The following NPC1L1 variants were observed in gnomAD, a reference collection of about 807,000 sequenced individuals.
NPC1L1 encodes the protein NPC1 like intracellular cholesterol transporter 1, also known as NPC1-like intracellular cholesterol transporter 1.
Under a neutral mutation model 117.0 loss-of-function variants are expected in NPC1L1, and 98 were observed. The ratio of observed to expected loss-of-function variants is 0.84; its 90% CI spans 0.71 to 0.99. The LOEUF is 0.99. NPC1L1 is among the 50% of genes least tolerant of loss of function. The pLI is 0.00. For missense variants in NPC1L1, 1,540 were observed against 1,710.0 expected (o/e 0.90, Z 1.75); for synonymous variants, 729 against 727.6 (o/e 1.00, Z -0.03).
rs368869206 is a variant in NPC1L1 at position 44,515,806 on chromosome 7, C to T, written c.3793G>A (p.Val1265Met). The T allele has an allele frequency of 2.1e-5, 34 of 1,614,110 alleles. No individual in the cohort carries two copies. Among genetic ancestry groups the T allele is most frequent in the Admixed American group, 1.0e-4 (6 of 60,008 alleles). The part of the protein sequence containing the change: ...LVFLPVILSY[V>M]GPDVNPALAL... ...AGGAACAGGCCTGGGCACTCACCCA[C>T]GTAGCTGAGGATGACGGGCAGGAAG... Residue 1265 changes from valine (V) to methionine (M), a missense_variant, in exon 18 of 19, where the codon GTG becomes ATG. By Grantham distance (21) the Val-to-Met change is conservative. This residue lies in a region of NPC1L1 where 742 missense variants were observed against 873.6 expected (regional missense o/e 0.85). Coordinates refer to ENST00000381160, the MANE Select transcript of NPC1L1 (RefSeq NM_001101648.2).
At chr7:44,532,310 G>T in intron 8 of NPC1L1, 93 bp from the exon 9 acceptor site, 1 of 1,530,500 alleles carries the variant, frequency 6.5e-7, no homozygotes, top group Non-Finnish European at 9.0e-7. Flanking sequence ...CCTTCTGTGG[G>T]TGGCCCGTGC....
chr7:44,518,140 T>C (rs1002853276), intron 14 of NPC1L1, among the ~76,000 whole-genome samples: 6 of 151,920 alleles, frequency 3.9e-5, no homozygotes, highest in Middle Eastern at 3.4e-3. Context: ...AAATTAAGGT[T>C]ATTAAGACCT....
chr7:44,521,427 T>C (rs1326202020), intron 12 of NPC1L1, among the ~76,000 whole-genome samples: 1 of 152,154 alleles, frequency 6.6e-6, no homozygotes, highest in Non-Finnish European at 1.5e-5. Context: ...AGCTCTCCCC[T>C]CCTGACTCCC....
In NPC1L1 at chr7:44,540,188, T is replaced by C; in HGVS notation, c.209A>G (p.His70Arg). The C allele has an allele frequency of 1.2e-6, 2 of 1,613,844 alleles. No individual in the cohort carries two copies. Among genetic ancestry groups the C allele is most frequent in the Non-Finnish European group, 1.7e-6 (2 of 1,179,972 alleles). ...GCAGATCTTCTGTAATAGGATCAGG[T>C]GATCACCTGTGATCTTGCGGGCCGG... Reference protein sequence around the residue: ...NTPARKITGDHLILLQKICPR... With the variant: ...NTPARKITGDRLILLQKICPR... The change falls in exon 2 of 19, where the codon CAC becomes CGC. Residue 70 changes from histidine (H) to arginine (R), a missense_variant. Coordinates refer to ENST00000381160, the MANE Select transcript of NPC1L1 (RefSeq NM_001101648.2).
rs776342090 is a variant in NPC1L1, at chr7:44,539,851, C to T, written c.546G>A (p.Thr182=). Residue 182 remains threonine, a synonymous_variant, in exon 2 of 19, where the codon ACG becomes ACA. Coordinates refer to ENST00000381160, the MANE Select transcript of NPC1L1 (RefSeq NM_001101648.2). This position sits in a 1 kb window ranked among gnomAD's most constrained non-coding sequence, Gnocchi z 4.4. ...CGCCACACATGGTGCCCACAGCCAG[C>T]GTGGCAGCTGCAGGGACGCGCACAC... ...CSRVRVPAAA[T]LAVGTMCGVY... 8.1e-6 allele frequency: 13 copies of T among 1,613,984 alleles called. No homozygotes were observed. Among genetic ancestry groups the T allele is most frequent in the Admixed American group, 1.7e-5 (1 of 60,014 alleles).
In NPC1L1 at chr7:44,536,810, C is replaced by T. The variant is rs200858072; in HGVS notation, c.1681+32G>A. ...GTTCCTGCCCCAATACTGCATCTTC[C>T]TTGGCTTCCTCTCAGGGCCCACTTA... On this transcript the variant is annotated intron_variant, in intron 3 of 18. Transcript: ENST00000381160. This position sits in a 1 kb window ranked among gnomAD's most constrained non-coding sequence, Gnocchi z 4.7. 1.3e-6 allele frequency: 2 copies of T among 1,573,400 alleles called. No homozygotes were observed. Among genetic ancestry groups the T allele is most frequent in the Non-Finnish European group, 1.7e-6 (2 of 1,142,934 alleles).
At position 44,532,072 on chromosome 7, in the gene NPC1L1, C is replaced by T; in HGVS notation, c.2547+8G>A. On this transcript the variant is annotated splice_region_variant and intron_variant, in intron 9 of 18. Coordinates refer to ENST00000381160, the MANE Select transcript of NPC1L1 (RefSeq NM_001101648.2). ...CCCCTGCTCTCGTGTGGTTCGAGGC[C>T]CACTCACCACAACACCTCGAGTGAT... 6.2e-7 allele frequency: 1 copy of T among 1,614,146 alleles called. No homozygotes were observed. The highest frequency in any genetic ancestry group is 8.5e-7 in the Non-Finnish European group (1 of 1,180,012).
chr7:44,535,797 G>T (rs1480885449), intron 5 of NPC1L1, 43 bp downstream of exon 5: 2 of 1,611,356 alleles, frequency 1.2e-6, no homozygotes, highest in African/African-American at 2.7e-5. Context: ...GATGCCTGGG[G>T]TCCTGGGCTA....
chr7:44,524,028 G>T (rs1801436160), intron 10 of NPC1L1, among the ~76,000 whole-genome samples: 1 of 152,136 alleles, frequency 6.6e-6, no homozygotes, highest in African/African-American at 2.4e-5. Context: ...TGACTTCCAG[G>T]AGATTTAAAG....
At chr7:44,531,958 G>C in intron 9 of NPC1L1, 114 bp from the exon 10 acceptor site, 1 of 1,536,672 alleles carries the variant, frequency 6.5e-7, no homozygotes, top group Non-Finnish European at 8.9e-7. Context: ...GAGCAGACTT[G>C]CGTGCCAGCC....
chr7:44,519,610 C>T (rs1801290685), intron 14 of NPC1L1, among the ~76,000 whole-genome samples: 2 of 152,232 alleles, frequency 1.3e-5, no homozygotes, highest in Admixed American at 6.5e-5. Context: ...TCAAAAACTC[C>T]CCCACCCACC....
At position 44,540,035 on chromosome 7, in the gene NPC1L1, A is replaced by G; in HGVS notation, c.362T>C (p.Val121Ala). 6.2e-7 allele frequency: 1 copy of G among 1,614,230 alleles called. No individual in the cohort carries two copies. Among genetic ancestry groups the G allele is most frequent in the South Asian group, 1.1e-5 (1 of 91,090 alleles). ...GCACGTGTTGTGGCAGTGCAGGTTC[A>G]CAAAATTGTCAGAGCAGGCTGGGCA... is the stretch of plus-strand genomic sequence containing the variant. ...TRCPACSDNF[V>A]NLHCHNTCSP... Residue 121 changes from valine (V) to alanine (A), a missense_variant, in exon 2 of 19, where the codon GTG (valine) becomes GCG (alanine). Physicochemically the swap from Val to Ala is moderately conservative, Grantham distance 64 (BLOSUM62 0). Transcript: ENST00000381160.
At chr7:44,528,715 G>A (rs776430742) in intron 10 of NPC1L1, among the ~76,000 whole-genome samples, 5 of 152,128 alleles carry the variant, frequency 3.3e-5, no homozygotes, top group Non-Finnish European at 7.4e-5. Context: ...AATGACAGAA[G>A]TAAATCCCTC....
In NPC1L1 at chr7:44,536,448, G is replaced by A; in HGVS notation, c.1682-20C>T. On this transcript the variant is annotated intron_variant, in intron 3 of 18. Coordinates refer to ENST00000381160, the MANE Select transcript of NPC1L1 (RefSeq NM_001101648.2). The surrounding 1 kb of genome is among the most constrained non-coding windows in gnomAD (Gnocchi z 4.7). Reference sequence around the variant, plus strand: ...CCTTTCCTGGGATAAGAAATACTCAGACCCTTCCTGCTGCACCCGTGCCTC... The same window carrying A: ...CCTTTCCTGGGATAAGAAATACTCAAACCCTTCCTGCTGCACCCGTGCCTC... The A allele has an allele frequency of 6.2e-7, 1 of 1,606,852 alleles. No homozygotes were observed. Among genetic ancestry groups the A allele is most frequent in the South Asian group, 1.1e-5 (1 of 91,076 alleles).
At chr7:44,517,149 C>T in intron 15 of NPC1L1, 58 bp downstream of exon 15, 2 of 1,610,628 alleles carry the variant, frequency 1.2e-6, no homozygotes, top group South Asian at 1.1e-5. Flanking sequence ...CCACCCTAAC[C>T]TCCAGTCTCC....
intron 10 of NPC1L1, among the ~76,000 whole-genome samples, chr7:44,528,518 A>C (rs543113598): frequency 6.6e-6 from 1 of 152,216 alleles, no homozygotes; most frequent in African/African-American, 2.4e-5. Context: ...GAGTGTTATA[A>C]CTTCAGCACA....
At position 44,536,338 on chromosome 7, in the gene NPC1L1, A is replaced by G. The variant is rs1258801867; in HGVS notation, c.1772T>C (p.Leu591Pro). ...TTCCTCTAAGAAGGCCTCCTCCCAC[A>G]GCTTGGCCTGGGCCAGACGGGGGTC... The part of the protein sequence containing the change: ...AGDPRLAQAK[L>P]WEEAFLEEMR... The change falls in exon 4 of 19, where the codon CTG becomes CCG. Residue 591 changes from leucine to proline, a missense_variant. By Grantham distance (98) the Leu-to-Pro change is moderately conservative. Coordinates refer to ENST00000381160, the MANE Select transcript of NPC1L1 (RefSeq NM_001101648.2). The surrounding 1 kb of genome is among the most constrained non-coding windows in gnomAD (Gnocchi z 4.7). The G allele has an allele frequency of 1.2e-6, 2 of 1,614,238 alleles. No homozygotes were observed. Among genetic ancestry groups the G allele is most frequent in the Admixed American group, 1.7e-5 (1 of 60,036 alleles).
rs760656359 is a variant in NPC1L1 at position 44,515,869 on chromosome 7, G to C, written c.3730C>G (p.Leu1244Val). 225 of 1,614,082 alleles carry C rather than the reference G, an allele frequency of 1.4e-4. No individual in the cohort carries two copies. Among genetic ancestry groups the C allele is most frequent in the Non-Finnish European group, 1.8e-4 (217 of 1,180,040 alleles). ...AGCAGGCCCAGCAGAGTGATCAGGAGGTTGAGGCGGAAGAAGAAGATCTGA... is the reference window on the plus strand; with the variant it reads ...AGCAGGCCCAGCAGAGTGATCAGGACGTTGAGGCGGAAGAAGAAGATCTGA... ...LIQIFFFRLNLLITLLGLLHG... is the reference protein window; with the variant it reads ...LIQIFFFRLNVLITLLGLLHG... The change falls in exon 18 of 19, where the codon CTC becomes GTC. Residue 1244 changes from leucine (L) to valine (V), a missense_variant. Leu to Val is a conservative substitution (Grantham distance 32). Coordinates refer to ENST00000381160, the MANE Select transcript of NPC1L1 (RefSeq NM_001101648.2).
intron 2 of NPC1L1, among the ~76,000 whole-genome samples, chr7:44,537,669 C>T (rs1801943967): frequency 6.6e-6 from 1 of 152,220 alleles, no homozygotes; most frequent in South Asian, 2.1e-4. Context: ...CAGCTTACCA[C>T]ACCCCTCTGA....
Sources: gnomAD v4.1 joint callset for allele counts (sites outside exome capture counted in the v4.1 genomes callset) on GRCh38, gnomAD v4.1.1 for gene constraint, gnomAD v4.1.1 regional missense constraint, Gnocchi (gnomAD v3.1) non-coding constraint, MANE v1.5 for transcripts, NCBI Gene and HGNC (gene_info 2026-07-23, HGNC 2026-07-21) for gene names.